KIAA1549L: variants seen among roughly 807,000 people sequenced by gnomAD.
KIAA1549L encodes UPF0606 protein KIAA1549L.
Under a neutral mutation model 160.7 loss-of-function variants are expected in KIAA1549L, and 88 were observed. The observed-to-expected ratio is 0.55, with a 90% CI of 0.46 to 0.65. The LOEUF (loss-of-function observed/expected upper bound fraction) is 0.65, where lower values mean the gene tolerates loss of function less well. KIAA1549L is among the 30% of genes least tolerant of loss of function. KIAA1549L has a pLI of 0.00. For synonymous variants in KIAA1549L, 950 were observed against 976.7 expected (o/e 0.97, Z 0.51); for missense variants, 2,258 against 2,437.5 (o/e 0.93, Z 1.55).
chr11:33,468,044 AT>A (rs1192205370), intron 1 of KIAA1549L, among the ~76,000 whole-genome samples: 1 of 152,208 alleles, frequency 6.6e-6, no homozygotes, highest in East Asian at 1.9e-4. Context: ...AAAACATTTA[AT>A]TCCCTGTGAC....
At chr11:33,527,247 T>C (rs892904126) in intron 1 of KIAA1549L, among the ~76,000 whole-genome samples, 12 of 152,186 alleles carry the variant, frequency 7.9e-5, no homozygotes, top group African/African-American at 2.9e-4. Context: ...AGAGAATAAT[T>C]GAGGAAAATG....
Position 33,568,388 on chromosome 11 carries a change from G to A in KIAA1549L, c.4230+161G>A, listed in dbSNP as rs143098103. On this transcript the variant is annotated intron_variant, in intron 9 of 20. Coordinates refer to ENST00000658780, the MANE Select transcript of KIAA1549L (RefSeq NM_012194.3). ...TGCTCTTAGGTTTTGGGAACTGACG[G>A]TCATAACCATCAAAAACATGAAGGA... is the stretch of plus-strand genomic sequence containing the variant. 9.1e-3 allele frequency among the ~76,000 whole-genome samples: 1,392 copies of A among 152,196 alleles called. 19 individuals carry two copies. Among genetic ancestry groups the A allele is most frequent in the South Asian group, 0.039 (187 of 4,792 alleles).
At chr11:33,659,343 G>A (rs1276595329) in intron 19 of KIAA1549L, among the ~76,000 whole-genome samples, 2 of 152,040 alleles carry the variant, frequency 1.3e-5, no homozygotes, top group African/African-American at 2.4e-5. Context: ...ATGATATCAT[G>A]GCATACATTT....
At chr11:33,553,306 ATTTTT>A (rs5790938) in intron 6 of KIAA1549L, among the ~76,000 whole-genome samples, 1 of 144,940 alleles carries the variant, frequency 6.9e-6, no homozygotes, top group East Asian at 2.0e-4. Context: ...GGTGCGCTGT[ATTTTT>A]TTTTTTTTTT....
intron 1 of KIAA1549L, among the ~76,000 whole-genome samples, chr11:33,475,707 A>AAG (rs1485658562): frequency 6.6e-6 from 1 of 151,602 alleles, no homozygotes; most frequent in African/African-American, 2.4e-5. Flanking sequence ...AAAAAAAAAA[A>AAG]AAATTAGCTA....
At chr11:33,549,614 A>T (rs75304222) in intron 4 of KIAA1549L, among the ~76,000 whole-genome samples, 2 of 152,188 alleles carry the variant, frequency 1.3e-5, no homozygotes. Context: ...AATGTGGAGG[A>T]AGCAAAGGCA....
intron 1 of KIAA1549L, among the ~76,000 whole-genome samples, chr11:33,465,585 A>T (rs991298785): frequency 1.3e-5 from 2 of 152,184 alleles, no homozygotes; most frequent in Non-Finnish European, 2.9e-5. Context: ...ATAAATTTAT[A>T]TGCCAATATG....
At chr11:33,494,619 A>G (rs543682222) in intron 1 of KIAA1549L, among the ~76,000 whole-genome samples, 3 of 152,270 alleles carry the variant, frequency 2.0e-5, no homozygotes, top group African/African-American at 7.2e-5. Flanking sequence ...AGTGCCTTAG[A>G]TTTTCCAGTT....
At chr11:33,619,233 C>T (rs929505414) in intron 16 of KIAA1549L, among the ~76,000 whole-genome samples, 13 of 152,124 alleles carry the variant, frequency 8.5e-5, no homozygotes, top group Admixed American at 2.6e-4. Context: ...GCCTCATCTC[C>T]GGTACCCTGC....
chr11:33,551,259 G>C lies in KIAA1549L; in HGVS notation c.3721G>C (p.Val1241Leu). 1 of 1,612,002 alleles carries C rather than the reference G, an allele frequency of 6.2e-7. No homozygotes were observed. Among genetic ancestry groups the C allele is most frequent in the Non-Finnish European group, 8.5e-7 (1 of 1,179,252 alleles). Reference protein sequence around the residue: ...QPAGYFQLKTVLQFVSQADNI... With the variant: ...QPAGYFQLKTLLQFVSQADNI... ...TGCAGGCTACTTCCAGCTAAAAACA[G>C]GCAAGTGACTCGGAAGGAAGGGATT... The change falls in exon 5 of 21, where the codon GTG becomes CTG. Residue 1241 changes from valine (V) to leucine (L), a missense_variant and splice_region_variant. Around this residue, in one of 6 missense-constraint regions of KIAA1549L, gnomAD observed 1,359 missense variants for 1,546.6 expected, o/e 0.88. Coordinates refer to ENST00000658780, the MANE Select transcript of KIAA1549L (RefSeq NM_012194.3).
At chr11:33,506,896 A>G (rs1211488709) in intron 1 of KIAA1549L, among the ~76,000 whole-genome samples, 1 of 152,050 alleles carries the variant, frequency 6.6e-6, no homozygotes, top group East Asian at 1.9e-4. Flanking sequence ...TGGAAGCCCC[A>G]CCTCCCACCA....
intron 1 of KIAA1549L, among the ~76,000 whole-genome samples, chr11:33,425,571 C>T (rs945902150): frequency 1.3e-5 from 2 of 152,128 alleles, no homozygotes; most frequent in African/African-American, 4.8e-5. Context: ...GGGAGACATC[C>T]AAATGCAGTA....
chr11:33,655,984 C>T (rs1224379788), intron 17 of KIAA1549L, 28 bp from the exon 18 acceptor site: 1 of 1,532,466 alleles, frequency 6.5e-7, no homozygotes, highest in Non-Finnish European at 9.0e-7. Flanking sequence ...GTTAACAACT[C>T]TCCCTGTATT....
chr11:33,649,505 TAAAAA>T (rs34818689), intron 17 of KIAA1549L, among the ~76,000 whole-genome samples: 4 of 124,780 alleles, frequency 3.2e-5, no homozygotes, highest in Admixed American at 8.2e-5. Context: ...GTCTCTATTG[TAAAAA>T]AAAAAAAAAA....
Position 33,555,182 on chromosome 11 carries a change from GA to G in KIAA1549L, c.3855+2944del, listed in dbSNP as rs566120909. Among the ~76,000 whole-genome samples, 676 of 139,598 alleles carry G rather than the reference GA, an allele frequency of 4.8e-3. 10 individuals are homozygous for G. The highest frequency in any genetic ancestry group is 0.017 in the African/African-American group (628 of 36,704). The allele number at this position is 139,598 out of a possible 152,430, so 91.6% of individuals were successfully genotyped here. ...GTATATTAAAGAAGACAAATAAATGGAAAGACTTCCTGTGCTTATGGATTGG... is the reference window on the plus strand; with the variant it reads ...GTATATTAAAGAAGACAAATAAATGGAAGACTTCCTGTGCTTATGGATTGG... On this transcript the variant is annotated intron_variant, in intron 6 of 20. Transcript: ENST00000658780.
intron 1 of KIAA1549L, among the ~76,000 whole-genome samples, chr11:33,460,134 A>G (rs573991457): frequency 6.6e-5 from 10 of 152,316 alleles, no homozygotes; most frequent in South Asian, 6.2e-4. Flanking sequence ...TTCACTGTCC[A>G]TGGCTGTCTT....
chr11:33,510,467 G>A (rs544498655), intron 1 of KIAA1549L, among the ~76,000 whole-genome samples: 20 of 152,284 alleles, frequency 1.3e-4, no homozygotes, highest in South Asian at 1.2e-3. Flanking sequence ...GATTACAGAT[G>A]TGAGCCACTG....
chr11:33,584,019 A>T (rs1855731056), intron 11 of KIAA1549L, among the ~76,000 whole-genome samples: 1 of 152,116 alleles, frequency 6.6e-6, no homozygotes, highest in Non-Finnish European at 1.5e-5. Flanking sequence ...TTGGGAGGAG[A>T]TTAGGTCATG....
At chr11:33,600,950 CT>C (rs1219381896) in intron 13 of KIAA1549L, among the ~76,000 whole-genome samples, 1 of 152,074 alleles carries the variant, frequency 6.6e-6, no homozygotes, top group Non-Finnish European at 1.5e-5. Context: ...CCCCACTTAG[CT>C]GGTGAAATTC....
Sources: gnomAD v4.1 joint callset for allele counts (sites outside exome capture counted in the v4.1 genomes callset) on GRCh38, gnomAD v4.1.1 for gene constraint, gnomAD v4.1.1 regional missense constraint, MANE v1.5 for transcripts, NCBI Gene and HGNC (gene_info 2026-07-23, HGNC 2026-07-21) for gene names.